The following RABEP1 variants were observed in gnomAD, a reference collection of about 807,000 sequenced individuals.
The protein encoded by RABEP1 is rabaptin, RAB GTPase binding effector protein 1.
Under a neutral mutation model 123.4 loss-of-function variants are expected in RABEP1, and 51 were observed. The observed-to-expected ratio is 0.41, with a 90% confidence interval of 0.33 to 0.52. RABEP1 has a LOEUF of 0.52. Ranked by LOEUF, RABEP1 falls within the 20% of genes least tolerant of loss-of-function variation. The probability of loss-of-function intolerance (pLI) is 0.16; values close to 1 mark genes in which losing one functional copy is unlikely to be tolerated. For missense variants in RABEP1, 888 were observed against 996.3 expected, an observed-to-expected ratio of 0.89 and a Z score of 1.46; for synonymous variants, 347 against 355.2, an observed-to-expected ratio of 0.98 and a Z score of 0.26.
chr17:5,285,863 G>T (rs1350957739), intron 1 of RABEP1, among the ~76,000 whole-genome samples: 1 of 90,984 alleles, frequency 1.1e-5, no homozygotes, highest in East Asian at 2.9e-3. Context: ...TCTTAAAGAC[G>T]ATCTTATCAT....
intron 1 of RABEP1, among the ~76,000 whole-genome samples, chr17:5,291,917 A>G (rs753425160): frequency 6.6e-6 from 1 of 152,188 alleles, no homozygotes; most frequent in Non-Finnish European, 1.5e-5. Context: ...AAGTGGTGAT[A>G]AGTCTGATTC....
At chr17:5,305,461 A>G (rs1390583805) in intron 1 of RABEP1, among the ~76,000 whole-genome samples, 1 of 152,152 alleles carries the variant, frequency 6.6e-6, no homozygotes, top group Non-Finnish European at 1.5e-5. Flanking sequence ...TGCATCTTTA[A>G]CAGCTGCATT....
intron 2 of RABEP1, among the ~76,000 whole-genome samples, chr17:5,331,092 A>G (rs1447674178): frequency 6.8e-6 from 1 of 146,538 alleles, no homozygotes; most frequent in African/African-American, 2.5e-5. Context: ...AAGTTTTGTA[A>G]GAGAAGACAG....
intron 1 of RABEP1, among the ~76,000 whole-genome samples, chr17:5,298,626 G>C (rs980837846): frequency 6.6e-6 from 1 of 151,430 alleles, no homozygotes; most frequent in Non-Finnish European, 1.5e-5. Flanking sequence ...TGTATGGCCA[G>C]TCTCACGTAT....
intron 6 of RABEP1, among the ~76,000 whole-genome samples, chr17:5,349,105 A>G (rs554489569): frequency 3.7e-4 from 56 of 152,254 alleles, no homozygotes; most frequent in Admixed American, 9.8e-4. Flanking sequence ...GGACTTGCCT[A>G]TTCTGGACTT....
At chr17:5,308,363 T>C (rs2075201274) in intron 1 of RABEP1, among the ~76,000 whole-genome samples, 2 of 152,028 alleles carry the variant, frequency 1.3e-5, no homozygotes, top group South Asian at 4.1e-4. Flanking sequence ...GTAGCTGGGA[T>C]TACAGGCACC....
chr17:5,369,789 C>G (rs890966007), intron 12 of RABEP1, among the ~76,000 whole-genome samples: 1 of 152,050 alleles, frequency 6.6e-6, no homozygotes, highest in Non-Finnish European at 1.5e-5. Flanking sequence ...CAACCTCCTC[C>G]TCCTGGGTTC....
chr17:5,373,562 C>G (rs1910704775), intron 13 of RABEP1, 108 bp downstream of exon 13: 1 of 1,234,740 alleles, frequency 8.1e-7, no homozygotes, highest in Non-Finnish European at 1.1e-6. Context: ...CGTGCCAATT[C>G]AACCATTTAA....
At chr17:5,367,283 G>A (rs1024746665) in intron 11 of RABEP1, among the ~76,000 whole-genome samples, 1 of 148,606 alleles carries the variant, frequency 6.7e-6, no homozygotes, top group Non-Finnish European at 1.5e-5. Context: ...GTGTAGATAA[G>A]GGTAAAACTT....
At chr17:5,323,819 A>AATATATATATATATATCTAGGAATAT (rs200561684) in intron 2 of RABEP1, among the ~76,000 whole-genome samples, 11 of 70,896 alleles carry the variant, frequency 1.6e-4, no homozygotes, top group South Asian at 5.2e-4. Context: ...TATATCTAGG[A>AATATATATATATATATCTAGGAATAT]ATATATATAT....
At chr17:5,329,358 C>T (rs915934111) in intron 2 of RABEP1, among the ~76,000 whole-genome samples, 4 of 151,932 alleles carry the variant, frequency 2.6e-5, no homozygotes, top group Non-Finnish European at 5.9e-5. Flanking sequence ...GGCGAAACCC[C>T]GTCTCTACTA....
In RABEP1 at chr17:5,282,296, A is replaced by C. The variant is rs954193529; in HGVS notation, c.-191A>C. 6 of 408,856 alleles carry C rather than the reference A, an allele frequency of 1.5e-5. No individual in the cohort carries two copies. The highest frequency in any genetic ancestry group is 2.6e-5 in the Non-Finnish European group (6 of 234,556). The allele number at this position is 408,856 out of a possible 1,614,324, so 25.3% of individuals were successfully genotyped here. ...CTTATTTCCCGCTGTCAGGATGAGG[A>C]GGCGGAGGTCGGCGGTCGGGTCCGT... On this transcript the variant is annotated 5_prime_UTR_variant, in exon 1 of 18. Coordinates refer to ENST00000537505, the MANE Select transcript of RABEP1 (RefSeq NM_004703.6).
Position 5,299,719 on chromosome 17 carries a change from C to CTTTTCTTTTTTTTTTTTTT in RABEP1, c.35-8971_35-8970insCTTTTTTTTTTTTTTTTTT, listed in dbSNP as rs2075116264. 1.7e-4 allele frequency among the ~76,000 whole-genome samples: 17 copies of CTTTTCTTTTTTTTTTTTTT among 98,828 alleles called. 1 individual carries two copies. Among genetic ancestry groups the CTTTTCTTTTTTTTTTTTTT allele is most frequent in the East Asian group, 1.0e-3 (2 of 1,938 alleles). 64.8% of individuals were successfully genotyped at this position (98,828 alleles called of 152,430 possible). A position where few individuals can be genotyped will look rare whatever the true frequency, so the allele number is the denominator to read the frequency against. Reference sequence around the variant, plus strand: ...TCATTTCTTTTTCTTTTTTTCTTTTCTTTTTCTTTTTCTTTTTTTTTTTTT... The same window carrying CTTTTCTTTTTTTTTTTTTT: ...TCATTTCTTTTTCTTTTTTTCTTTTCTTTTCTTTTTTTTTTTTTTTTTTTCTTTTTCTTTTTTTTTTTTT... On this transcript the variant is annotated intron_variant, in intron 1 of 17. Transcript: ENST00000537505.
intron 6 of RABEP1, among the ~76,000 whole-genome samples, 172 bp downstream of exon 6, chr17:5,347,097 C>G (rs1908126163): frequency 6.6e-6 from 1 of 152,018 alleles, no homozygotes; most frequent in Non-Finnish European, 1.5e-5. Context: ...ATGGTTTTTC[C>G]TTCGTGAGCT....
At chr17:5,289,394 GCTTTAATTTTTATGTAGATCTGAC>G (rs773226406) in intron 1 of RABEP1, among the ~76,000 whole-genome samples, 51 of 147,788 alleles carry the variant, frequency 3.5e-4, no homozygotes, top group Admixed American at 7.4e-4. Flanking sequence ...TATGCAGAAA[GCTTTAATTTTTATGTAGATCTGAC>G]CTTTTTTTTT....
rs1305589648 is a variant in RABEP1 at position 5,282,343 on chromosome 17, C to T, written c.-144C>T. The T allele has an allele frequency of 2.4e-5, 14 of 587,712 alleles. No homozygotes were observed. The highest frequency in any genetic ancestry group is 3.9e-5 in the African/African-American group (2 of 51,412). The allele number at this position is 587,712 out of a possible 1,614,324, so 36.4% of individuals were successfully genotyped here. ...CCGTCTCTGCCCGCGGCTGTGGCGG[C>T]GCCGGCGGATCCAGCCTTAGCGGTT... On this transcript the variant is annotated 5_prime_UTR_variant, in exon 1 of 18. Coordinates refer to ENST00000537505, the MANE Select transcript of RABEP1 (RefSeq NM_004703.6).
chr17:5,337,097 T>G (rs1907164164), intron 4 of RABEP1, among the ~76,000 whole-genome samples: 2 of 152,204 alleles, frequency 1.3e-5, no homozygotes, highest in South Asian at 4.1e-4. Context: ...TTCTCACCAG[T>G]TTACTAGTTT....
intron 2 of RABEP1, among the ~76,000 whole-genome samples, chr17:5,320,388 CT>C (rs1344345272): frequency 8.2e-6 from 1 of 121,240 alleles, no homozygotes; most frequent in Admixed American, 1.1e-4. Flanking sequence ...AAAGGGAGTT[CT>C]TCCATTTGAA....
In RABEP1 at chr17:5,344,744, C is replaced by T. The variant is rs576600446; in HGVS notation, c.649-2046C>T. ...CCGAGATCGTGCCTCTGCACTCCAG[C>T]CTGGGTGACAGAGCAAGACACTGTC... On this transcript the variant is annotated intron_variant, in intron 5 of 17. Transcript: ENST00000537505. 5.8e-4 allele frequency among the ~76,000 whole-genome samples: 76 copies of T among 131,108 alleles called. 1 individual carries two copies. In the South Asian group the frequency reaches 0.019, roughly 32 times the overall value. The allele number at this position is 131,108 out of a possible 152,430, so 86.0% of individuals were successfully genotyped here.
Sources: allele counts gnomAD v4.1 joint callset (sites outside exome capture counted in the v4.1 genomes callset), GRCh38; gene constraint gnomAD v4.1.1; transcripts MANE v1.5; gene names NCBI Gene and HGNC (gene_info 2026-07-23, HGNC 2026-07-21).